DCTD: variants seen among roughly 807,000 people sequenced by gnomAD.
The protein encoded by DCTD is deoxycytidylate deaminase.
In DCTD, 23 loss-of-function variants were observed where a neutral mutation model predicts 21.0. The observed-to-expected ratio is 1.09, with a 90% CI of 0.79 to 1.55. The LOEUF is 1.55. DCTD is among the 40% of genes most tolerant of loss of function. The probability of loss-of-function intolerance (pLI) is 0.00; values close to 1 mark genes in which losing one functional copy is unlikely to be tolerated. For missense variants in DCTD, 224 were observed against 230.0 expected (o/e 0.97, Z 0.17); for synonymous variants, 71 against 81.1 (o/e 0.88, Z 0.67).
At chr4:182,896,003 C>T (rs540146753) in intron 3 of DCTD, among the ~76,000 whole-genome samples, 5 of 152,202 alleles carry the variant, frequency 3.3e-5, no homozygotes, top group South Asian at 2.1e-4. Context: ...GAATGACATC[C>T]GGCCATGGCC....
At chr4:182,897,640 G>A (rs2152856327) in intron 3 of DCTD, among the ~76,000 whole-genome samples, 1 of 152,256 alleles carries the variant, frequency 6.6e-6, no homozygotes, top group East Asian at 1.9e-4. Context: ...CTGACAAGCA[G>A]GAAACTCAAG....
At chr4:182,905,034 C>A (rs954132239) in intron 3 of DCTD, among the ~76,000 whole-genome samples, 1 of 152,174 alleles carries the variant, frequency 6.6e-6, no homozygotes, top group Non-Finnish European at 1.5e-5. Context: ...ACAAACAATG[C>A]AATCCTTTCC....
At chr4:182,905,029 C>T (rs1027402315) in intron 3 of DCTD, among the ~76,000 whole-genome samples, 3 of 152,190 alleles carry the variant, frequency 2.0e-5, no homozygotes, top group Non-Finnish European at 4.4e-5. Context: ...ATCCTACAAA[C>T]AATGCAATCC....
chr4:182,910,230 C>A (rs961838274), intron 3 of DCTD, among the ~76,000 whole-genome samples: 3 of 152,190 alleles, frequency 2.0e-5, no homozygotes, highest in Non-Finnish European at 4.4e-5. Flanking sequence ...CCTTTGCCAG[C>A]AGAAATCAGC....
intron 1 of DCTD, chr4:182,916,937 C>T: frequency 2.0e-6 from 2 of 999,488 alleles, no homozygotes; most frequent in African/African-American, 1.7e-5. Flanking sequence ...GCACACCCCA[C>T]GCCGCTCGCA....
At chr4:182,892,251 A>C (rs1035959248) in intron 5 of DCTD, among the ~76,000 whole-genome samples, 1 of 152,182 alleles carries the variant, frequency 6.6e-6, no homozygotes, top group African/African-American at 2.4e-5. Context: ...TACAGTCCCA[A>C]AGGAATTTTC....
At position 182,902,732 on chromosome 4, in the gene DCTD, G is replaced by C. The variant is rs764661710; in HGVS notation, c.245-8127C>G. 6.3e-4 allele frequency among the ~76,000 whole-genome samples: 43 copies of C among 68,456 alleles called. 1 individual carries two copies. The highest frequency in any genetic ancestry group is 1.0e-3 in the Non-Finnish European group (27 of 27,130). The allele number at this position is 68,456 out of a possible 152,430, so 44.9% of individuals were successfully genotyped here. On this transcript the variant is annotated intron_variant, in intron 3 of 5. Coordinates refer to ENST00000438320, the MANE Select transcript of DCTD (RefSeq NM_001921.3). ...CTGGGTGGAGAGCTAACAGGGCTGG[G>C]TGTGTGGGCTGCGGGATGGAGGTGG...
At chr4:182,902,686 C>G (rs143166433) in intron 3 of DCTD, among the ~76,000 whole-genome samples, 114 of 152,300 alleles carry the variant, frequency 7.5e-4, no homozygotes, top group African/African-American at 2.6e-3. Context: ...CTGGTAAGTT[C>G]TGGTTGCAAA....
chr4:182,900,806 G>A (rs1735589900), intron 3 of DCTD, among the ~76,000 whole-genome samples: 1 of 151,380 alleles, frequency 6.6e-6, no homozygotes, highest in African/African-American at 2.4e-5. Context: ...GGCCTTGATT[G>A]CCAGAAGAGA....
Position 182,917,234 on chromosome 4 carries a change from A to C in DCTD, c.-8+77T>G, listed in dbSNP as rs930753567. The C allele has an allele frequency of 1.0e-5, 10 of 1,000,702 alleles. No homozygotes were observed. In the African/African-American group the frequency reaches 1.4e-4, roughly 14 times the overall value. 62.0% of individuals were successfully genotyped at this position (1,000,702 alleles called of 1,614,324 possible). A position where few individuals can be genotyped will look rare whatever the true frequency, so the allele number is the denominator to read the frequency against. ...CGCCCGGCAGCCAGCGCCCCGCGCC[A>C]CGCGCTCGGGACGGTGCCACGCGGC... On this transcript the variant is annotated intron_variant, in intron 1 of 5. Transcript: ENST00000438320. This position sits in a 1 kb window ranked among gnomAD's most constrained non-coding sequence, Gnocchi z 4.9.
chr4:182,893,149 T>C (rs1300659947), intron 4 of DCTD, 22 bp from the exon 5 acceptor site: 1 of 1,425,084 alleles, frequency 7.0e-7, no homozygotes, highest in Non-Finnish European at 9.9e-7. Context: ...CAATGGGAGC[T>C]CCCTTAGTGT....
rs923129649 is a variant in DCTD at position 182,894,860 on chromosome 4, G to A, written c.245-255C>T. ...GTCAAGTGCCTTCCCCACCCTAAGC[G>A]CAGCTCCGCTTCACGGCTCCACAAG... is the stretch of plus-strand genomic sequence containing the variant. On this transcript the variant is annotated intron_variant, in intron 3 of 5. Coordinates refer to ENST00000438320, the MANE Select transcript of DCTD (RefSeq NM_001921.3). Among the ~76,000 whole-genome samples, 5 of 152,330 alleles carry A rather than the reference G, an allele frequency of 3.3e-5. No homozygotes were observed. The South Asian group carries it at 1.0e-3, about 32-fold the overall frequency.
chr4:182,904,373 A>G (rs1736285464), intron 3 of DCTD, among the ~76,000 whole-genome samples: 1 of 152,220 alleles, frequency 6.6e-6, no homozygotes, highest in Admixed American at 6.5e-5. Context: ...TGCACACGTG[A>G]TGCCTAAAAT....
chr4:182,906,065 G>A (rs988350463), intron 3 of DCTD, among the ~76,000 whole-genome samples: 2 of 151,450 alleles, frequency 1.3e-5, no homozygotes, highest in Non-Finnish European at 2.9e-5. Context: ...CCCTCGCATC[G>A]TACACCACGT....
At chr4:182,910,695 T>C (rs1737520816) in intron 3 of DCTD, among the ~76,000 whole-genome samples, 1 of 152,218 alleles carries the variant, frequency 6.6e-6, no homozygotes, top group Non-Finnish European at 1.5e-5. Flanking sequence ...ATCTTTTGGA[T>C]TTTTCAGGAA....
intron 3 of DCTD, among the ~76,000 whole-genome samples, chr4:182,901,975 A>T (rs1179601308): frequency 6.6e-6 from 1 of 152,116 alleles, no homozygotes; most frequent in African/African-American, 2.4e-5. Context: ...CTGCCCACAG[A>T]TGCCTGATGG....
At chr4:182,894,888 C>T (rs1211224525) in intron 3 of DCTD, among the ~76,000 whole-genome samples, 1 of 152,244 alleles carries the variant, frequency 6.6e-6, no homozygotes, top group Non-Finnish European at 1.5e-5. Flanking sequence ...TCCACAAGAC[C>T]CTGGGGCATG....
chr4:182,917,241 C>A lies in DCTD; in HGVS notation c.-8+70G>T, dbSNP rs1738900334. 2 of 1,004,670 alleles carry A rather than the reference C, an allele frequency of 2.0e-6. No homozygotes were observed. The highest frequency in any genetic ancestry group is 9.0e-5 in the South Asian group (2 of 22,208). 62.2% of individuals were successfully genotyped at this position (1,004,670 alleles called of 1,614,324 possible). A position where few individuals can be genotyped will look rare whatever the true frequency, so the allele number is the denominator to read the frequency against. ...CAGCCAGCGCCCCGCGCCACGCGCTCGGGACGGTGCCACGCGGCGGTGGCT... is the reference window on the plus strand; with the variant it reads ...CAGCCAGCGCCCCGCGCCACGCGCTAGGGACGGTGCCACGCGGCGGTGGCT... On this transcript the variant is annotated intron_variant, in intron 1 of 5. Coordinates refer to ENST00000438320, the MANE Select transcript of DCTD (RefSeq NM_001921.3). The surrounding 1 kb of genome is among the most constrained non-coding windows in gnomAD (Gnocchi z 4.9).
At position 182,905,588 on chromosome 4, in the gene DCTD, A is replaced by G. The variant is rs527935561; in HGVS notation, c.244+9335T>C. Among the ~76,000 whole-genome samples the G allele has an allele frequency of 5.3e-5, 8 of 152,064 alleles. No homozygotes were observed. The East Asian group carries it at 1.6e-3, about 30-fold the overall frequency. On this transcript the variant is annotated intron_variant, in intron 3 of 5. Transcript: ENST00000438320. ...ATGATCTCCCCGCCTCGGCCTCCCA[A>G]AATGAGGCCTTCTTTCTTAAAGCAC...
Sources: gnomAD v4.1 joint callset for allele counts (sites outside exome capture counted in the v4.1 genomes callset) on GRCh38, gnomAD v4.1.1 for gene constraint, Gnocchi (gnomAD v3.1) non-coding constraint, MANE v1.5 for transcripts, NCBI Gene and HGNC (gene_info 2026-07-23, HGNC 2026-07-21) for gene names.